The following PLCE1 variants were observed in gnomAD, a reference collection of about 807,000 sequenced individuals.
The protein encoded by PLCE1 is 1-phosphatidylinositol 4,5-bisphosphate phosphodiesterase epsilon-1.
A neutral mutation model predicts 242.8 loss-of-function variants in PLCE1; 119 were observed. The ratio of observed to expected loss-of-function variants is 0.49; its 90% CI spans 0.42 to 0.57. The LOEUF (loss-of-function observed/expected upper bound fraction) is 0.57, where lower values mean the gene tolerates loss of function less well. Ranked by LOEUF, PLCE1 falls within the 20% of genes least tolerant of loss-of-function variation. The pLI is 0.00. For synonymous variants in PLCE1, 945 were observed against 1,017.4 expected (o/e 0.93, Z 1.35); for missense variants, 2,441 against 2,788.8 (o/e 0.88, Z 2.81).
chr10:94,289,142 C>G (rs56376834), intron 22 of PLCE1, among the ~76,000 whole-genome samples: 1 of 152,148 alleles, frequency 6.6e-6, no homozygotes. Context: ...AGAGGTAGCC[C>G]TGTTCACTGA....
At chr10:94,011,435 G>T (rs1461416248) in intron 1 of PLCE1, among the ~76,000 whole-genome samples, 4 of 152,114 alleles carry the variant, frequency 2.6e-5, no homozygotes, top group Non-Finnish European at 5.9e-5. Flanking sequence ...CATGAGATTT[G>T]TAGGGGACAA....
At chr10:94,159,207 G>A (rs1337823540) in intron 3 of PLCE1, among the ~76,000 whole-genome samples, 2 of 152,072 alleles carry the variant, frequency 1.3e-5, no homozygotes, top group Admixed American at 6.6e-5. Context: ...TGACTTAGAA[G>A]TAATATGCTT....
chr10:94,257,798 C>A (rs1484109985), intron 11 of PLCE1, among the ~76,000 whole-genome samples: 1 of 152,110 alleles, frequency 6.6e-6, no homozygotes, highest in African/African-American at 2.4e-5. Context: ...GGAGGGATAG[C>A]ATTAGGAGAT....
At chr10:94,207,010 T>C (rs894592764) in intron 4 of PLCE1, among the ~76,000 whole-genome samples, 1 of 152,272 alleles carries the variant, frequency 6.6e-6, no homozygotes, top group Non-Finnish European at 1.5e-5. Flanking sequence ...TCAAATTTAC[T>C]TTCACTTTCA....
At chr10:94,275,372 A>AGATATTCTTAAATTTGTG (rs1434497636) in intron 19 of PLCE1, among the ~76,000 whole-genome samples, 1 of 152,182 alleles carries the variant, frequency 6.6e-6, no homozygotes, top group African/African-American at 2.4e-5. Flanking sequence ...AGAATATCGT[A>AGATATTCTTAAATTTGTG]GATATTCTTA....
chr10:94,332,074 T>A lies in PLCE1; in HGVS notation c.*4131T>A, dbSNP rs1244811551. 1 of 152,072 alleles carries A rather than the reference T, an allele frequency of 6.6e-6. No individual in the cohort carries two copies. The highest frequency in any genetic ancestry group is 2.4e-5 in the African/African-American group (1 of 41,376). The allele number at this position is 152,072 out of a possible 1,614,324, so 9.4% of individuals were successfully genotyped here. Reference sequence around the variant, plus strand: ...CAGTAGAGACGGGGGTTTCACTATGTTGGTAAGGCTGGTCTCGAACTCCTG... The same window carrying A: ...CAGTAGAGACGGGGGTTTCACTATGATGGTAAGGCTGGTCTCGAACTCCTG... On this transcript the variant is annotated 3_prime_UTR_variant, in exon 33 of 33. Coordinates refer to ENST00000371380, the MANE Select transcript of PLCE1 (RefSeq NM_016341.4).
chr10:94,040,904 T>C (rs1197561688), intron 2 of PLCE1, among the ~76,000 whole-genome samples: 1 of 152,198 alleles, frequency 6.6e-6, no homozygotes, highest in Non-Finnish European at 1.5e-5. Flanking sequence ...TAATAAGGGT[T>C]AGGGAGCACA....
intron 7 of PLCE1, among the ~76,000 whole-genome samples, chr10:94,241,993 T>C (rs888982199): frequency 2.0e-5 from 3 of 152,198 alleles, no homozygotes; most frequent in Admixed American, 2.0e-4. Flanking sequence ...AGATGAGCAT[T>C]GTCTTTTTGC....
intron 16 of PLCE1, among the ~76,000 whole-genome samples, chr10:94,268,119 A>G (rs112129675): frequency 9.2e-5 from 14 of 152,352 alleles, no homozygotes; most frequent in African/African-American, 3.1e-4. Context: ...AACTTTATAG[A>G]GTTGCAACCC....
At chr10:94,062,142 G>A (rs777962135) in intron 2 of PLCE1, among the ~76,000 whole-genome samples, 2 of 152,222 alleles carry the variant, frequency 1.3e-5, no homozygotes, top group Non-Finnish European at 2.9e-5. Context: ...TATTTTGATA[G>A]GTTGGTGGTT....
intron 1 of PLCE1, among the ~76,000 whole-genome samples, chr10:93,994,829 G>A (rs146789428): frequency 6.6e-6 from 1 of 152,344 alleles, no homozygotes; most frequent in Non-Finnish European, 1.5e-5. Flanking sequence ...TAAGCCATCA[G>A]ACACTGAGTT....
Position 94,246,313 on chromosome 10 carries a change from A to C in PLCE1, c.2788A>C (p.Ser930Arg). ...FPLLGNAGLS[S>R]LTEGVLDLFA... ...ACTACTGGGTAATGCTGGATTAAGT[A>C]GCCTGACGGAAGGGGTCTTGGATCT... The change falls in exon 8 of 33, where the codon AGC becomes CGC. Residue 930 changes from serine (S) to arginine (R), a missense_variant. Around this residue, in one of 5 missense-constraint regions of PLCE1, gnomAD observed 733 missense variants for 754.2 expected, o/e 0.97. Transcript: ENST00000371380. 1.9e-6 allele frequency: 3 copies of C among 1,614,222 alleles called. No homozygotes were observed. The highest frequency in any genetic ancestry group is 2.5e-6 in the Non-Finnish European group (3 of 1,180,034).
intron 4 of PLCE1, among the ~76,000 whole-genome samples, chr10:94,223,042 AG>A: frequency 6.6e-6 from 1 of 152,230 alleles, no homozygotes; most frequent in East Asian, 1.9e-4. Context: ...CCTGGGGTCC[AG>A]GGCAGGATCC....
intron 3 of PLCE1, among the ~76,000 whole-genome samples, chr10:94,140,265 C>T (rs1318171143): frequency 1.3e-5 from 2 of 151,618 alleles, no homozygotes. Context: ...TATTTTATTT[C>T]AGATAGAAAA....
At chr10:94,227,058 G>C (rs149410078) in intron 4 of PLCE1, 3 of 407,150 alleles carry the variant, frequency 7.4e-6, no homozygotes, top group African/African-American at 6.2e-5. Context: ...TGTATTTTTA[G>C]TAGAAACGGG....
In PLCE1 at chr10:94,303,711, C is replaced by T. The variant is rs116866807; in HGVS notation, c.5459-771C>T. ...CATGGCTTAGAGATAAGCCATTATT[C>T]CTTTCTAAAATTTAGTATAAAATAA... On this transcript the variant is annotated intron_variant, in intron 24 of 32. Coordinates refer to ENST00000371380, the MANE Select transcript of PLCE1 (RefSeq NM_016341.4). 6.0e-3 allele frequency among the ~76,000 whole-genome samples: 913 copies of T among 152,172 alleles called. 4 individuals carry two copies. The highest frequency in any genetic ancestry group is 9.7e-3 in the Non-Finnish European group (657 of 68,018).
intron 7 of PLCE1, among the ~76,000 whole-genome samples, chr10:94,237,439 G>T (rs1006790386): frequency 2.6e-5 from 4 of 152,096 alleles, no homozygotes; most frequent in African/African-American, 9.7e-5. Context: ...CACCCGTTAT[G>T]AAATTTTTGT....
intron 4 of PLCE1, among the ~76,000 whole-genome samples, chr10:94,175,381 TCA>T: frequency 3.9e-5 from 6 of 152,060 alleles, no homozygotes; most frequent in African/African-American, 1.2e-4. Flanking sequence ...CCTCATTCAT[TCA>T]TTCATTCATT....
intron 4 of PLCE1, among the ~76,000 whole-genome samples, chr10:94,196,331 C>T (rs1018751019): frequency 4.7e-4 from 71 of 152,162 alleles, no homozygotes; most frequent in African/African-American, 1.5e-3. Flanking sequence ...TTCTTCGTTC[C>T]TTTGAGATAA....
Sources: allele counts gnomAD v4.1 joint callset (sites outside exome capture counted in the v4.1 genomes callset), GRCh38; gene constraint gnomAD v4.1.1; regional missense constraint gnomAD v4.1.1; transcripts MANE v1.5; gene names NCBI Gene and HGNC (gene_info 2026-07-23, HGNC 2026-07-21).